Variants in CIT observed in about 807,000 individuals in gnomAD.
CIT encodes the protein citron Rho-interacting kinase.
In CIT, 79 loss-of-function variants were observed where a neutral mutation model predicts 272.7. The ratio of observed to expected loss-of-function variants is 0.29; its 90% confidence interval spans 0.24 to 0.35. The LOEUF (loss-of-function observed/expected upper bound fraction) is 0.35, where lower values mean the gene tolerates loss of function less well. Among genes scored for constraint, CIT ranks in the 10% least tolerant of loss-of-function variants. The pLI is 1.00. For missense variants in CIT, 1,909 were observed against 2,618.3 expected (o/e 0.73, Z 5.91); for synonymous variants, 948 against 995.6 (o/e 0.95, Z 0.90).
chr12:119,709,400 C>T (rs184040927), intron 39 of CIT, among the ~76,000 whole-genome samples: 11 of 151,488 alleles, frequency 7.3e-5, no homozygotes, highest in African/African-American at 2.4e-4. Context: ...TATATGAGAA[C>T]GGGGGTATAT....
chr12:119,844,875 C>A (rs554399259), intron 5 of CIT, among the ~76,000 whole-genome samples: 1 of 152,248 alleles, frequency 6.6e-6, no homozygotes, highest in South Asian at 2.1e-4. Context: ...AATCCCAGCA[C>A]TCTGGGAGGC....
chr12:119,784,408 C>A lies in CIT; in HGVS notation c.1402-357G>T, dbSNP rs994955351. On this transcript the variant is annotated intron_variant, in intron 11 of 47. Transcript: ENST00000392521. The surrounding 1 kb of genome is among the most constrained non-coding windows in gnomAD (Gnocchi z 4.7). ...TCCCAAATCCATCTTGATCCCCCCC[C>A]ATCTCCTTGCAAAGATCTAGAGGAC... 3 of 1,224,574 alleles carry A rather than the reference C, an allele frequency of 2.4e-6. No homozygotes were observed. The highest frequency in any genetic ancestry group is 6.3e-5 in the Admixed American group (2 of 31,544). The allele number at this position is 1,224,574 out of a possible 1,614,324, so 75.9% of individuals were successfully genotyped here.
At chr12:119,852,438 G>A (rs769669422) in intron 4 of CIT, among the ~76,000 whole-genome samples, 69 of 152,210 alleles carry the variant, frequency 4.5e-4, no homozygotes, top group Non-Finnish European at 8.2e-4. Context: ...TGGGAGCCAG[G>A]TGTGGTGGCT....
chr12:119,734,732 G>T (rs1488686892), intron 25 of CIT, among the ~76,000 whole-genome samples: 4 of 152,236 alleles, frequency 2.6e-5, no homozygotes, highest in African/African-American at 7.2e-5. Flanking sequence ...GACCTCCTGG[G>T]TTCAAGCGTT....
At position 119,710,204 on chromosome 12, in the gene CIT, G is replaced by A; in HGVS notation, c.5071+47C>T. On this transcript the variant is annotated intron_variant, in intron 39 of 47. Coordinates refer to ENST00000392521, the MANE Select transcript of CIT (RefSeq NM_001206999.2). This position sits in a 1 kb window ranked among gnomAD's most constrained non-coding sequence, Gnocchi z 5.6. Reference sequence around the variant, plus strand: ...GCATGAAACGTGGCTTCAACATATTGGCTCCCTTGAAAGTAAAGAAAAAAC... The same window carrying A: ...GCATGAAACGTGGCTTCAACATATTAGCTCCCTTGAAAGTAAAGAAAAAAC... 6.3e-7 allele frequency: 1 copy of A among 1,594,318 alleles called. No individual in the cohort carries two copies. Among genetic ancestry groups the A allele is most frequent in the Non-Finnish European group, 8.5e-7 (1 of 1,171,824 alleles).
intron 10 of CIT, among the ~76,000 whole-genome samples, chr12:119,786,345 G>A (rs1314327899): frequency 2.0e-5 from 3 of 152,124 alleles, no homozygotes; most frequent in African/African-American, 7.2e-5. Context: ...CACAGAAAGG[G>A]CAAACTTACC....
intron 9 of CIT, among the ~76,000 whole-genome samples, chr12:119,816,968 T>C (rs998482401): frequency 6.6e-6 from 1 of 152,208 alleles, no homozygotes; most frequent in Non-Finnish European, 1.5e-5. Context: ...AAGAATTATC[T>C]GGCCCCAAAT....
chr12:119,778,768 A>T (rs559699862), intron 13 of CIT, among the ~76,000 whole-genome samples: 4 of 152,230 alleles, frequency 2.6e-5, no homozygotes, highest in Non-Finnish European at 5.9e-5. Context: ...AAAATGGAAC[A>T]CGGGTCTCAT....
intron 40 of CIT, among the ~76,000 whole-genome samples, chr12:119,707,887 G>C (rs765259485): frequency 6.6e-6 from 1 of 152,208 alleles, no homozygotes; most frequent in Non-Finnish European, 1.5e-5. Flanking sequence ...CGTCAGTCTT[G>C]TTATTAATCT....
chr12:119,847,766 C>G (rs1006045211), intron 5 of CIT, among the ~76,000 whole-genome samples: 1 of 152,052 alleles, frequency 6.6e-6, no homozygotes, highest in African/African-American at 2.4e-5. Flanking sequence ...TGTCATGCAC[C>G]TGTAATCCCA....
chr12:119,829,650 G>A (rs1347706052), intron 7 of CIT, among the ~76,000 whole-genome samples: 1 of 152,190 alleles, frequency 6.6e-6, no homozygotes, highest in Non-Finnish European at 1.5e-5. Flanking sequence ...CCTTATGACT[G>A]TTTTCATGAG....
At chr12:119,760,591 C>T (rs1042622373) in intron 20 of CIT, among the ~76,000 whole-genome samples, 1 of 150,298 alleles carries the variant, frequency 6.7e-6, no homozygotes, top group Non-Finnish European at 1.5e-5. Flanking sequence ...TGCACCACCA[C>T]ATTGCAGCCT....
intron 25 of CIT, 58 bp from the exon 26 acceptor site, chr12:119,734,415 T>G: frequency 6.4e-7 from 1 of 1,567,312 alleles, no homozygotes; most frequent in Non-Finnish European, 8.7e-7. Context: ...TCCTGGAGAT[T>G]ACTTTGGTCG....
At chr12:119,841,965 T>C (rs891352835) in intron 5 of CIT, among the ~76,000 whole-genome samples, 3 of 152,116 alleles carry the variant, frequency 2.0e-5, no homozygotes, top group Non-Finnish European at 4.4e-5. Context: ...GGAAAAACAT[T>C]TGGAGTGAAC....
intron 7 of CIT, among the ~76,000 whole-genome samples, chr12:119,825,961 G>A (rs780385933): frequency 2.0e-5 from 3 of 152,112 alleles, no homozygotes; most frequent in Admixed American, 6.6e-5. Flanking sequence ...CCAGCTACTC[G>A]GGAGGCTGAG....
chr12:119,705,455 C>A (rs1328403764), intron 40 of CIT, among the ~76,000 whole-genome samples: 1 of 152,006 alleles, frequency 6.6e-6, no homozygotes, highest in Non-Finnish European at 1.5e-5. Context: ...GAGGAACACA[C>A]AAGAAAAGGG....
At chr12:119,862,692 C>G (rs1040033644) in intron 3 of CIT, among the ~76,000 whole-genome samples, 1 of 150,650 alleles carries the variant, frequency 6.6e-6, no homozygotes, top group African/African-American at 2.4e-5. Flanking sequence ...CACCTATAAT[C>G]CCAGCTACTC....
chr12:119,874,814 G>T (rs766730007), intron 2 of CIT, among the ~76,000 whole-genome samples: 1 of 151,582 alleles, frequency 6.6e-6, no homozygotes, highest in Non-Finnish European at 1.5e-5. Flanking sequence ...TGAACCCCGG[G>T]GGGCAGAGCC....
At chr12:119,871,723 G>A (rs927940828) in intron 2 of CIT, among the ~76,000 whole-genome samples, 2 of 151,980 alleles carry the variant, frequency 1.3e-5, no homozygotes, top group Non-Finnish European at 2.9e-5. Context: ...CAGGTGTAGT[G>A]CCATGGTCCT....
Sources: allele counts gnomAD v4.1 joint callset (sites outside exome capture counted in the v4.1 genomes callset), GRCh38; gene constraint gnomAD v4.1.1; non-coding constraint Gnocchi (gnomAD v3.1); transcripts MANE v1.5; gene names NCBI Gene and HGNC (gene_info 2026-07-23, HGNC 2026-07-21).